Variants in WASF1 observed in about 807,000 individuals in gnomAD.
WASF1 encodes the protein actin-binding protein WASF1.
In WASF1, 7 loss-of-function variants were observed where a neutral mutation model predicts 50.5. That is an observed-to-expected ratio of 0.14 (90% CI 0.08 to 0.26). The LOEUF is 0.26. Among genes scored for constraint, WASF1 ranks in the 10% least tolerant of loss-of-function variants. WASF1 has a pLI of 1.00. For synonymous variants in WASF1, 205 were observed against 244.0 expected (o/e 0.84, Z 1.49); for missense variants, 470 against 694.7 (o/e 0.68, Z 3.64).
At chr6:110,159,102 G>C (rs1776154389) in intron 3 of WASF1, among the ~76,000 whole-genome samples, 1 of 151,852 alleles carries the variant, frequency 6.6e-6, no homozygotes, top group African/African-American at 2.4e-5. Flanking sequence ...TTCTCCGTAT[G>C]TCCCATAGCA....
chr6:110,173,530 T>C (rs1173531205), intron 2 of WASF1, among the ~76,000 whole-genome samples: 1 of 152,130 alleles, frequency 6.6e-6, no homozygotes, highest in Non-Finnish European at 1.5e-5. Context: ...TTGAGCAAAT[T>C]ACTTGATCTA....
intron 3 of WASF1, among the ~76,000 whole-genome samples, chr6:110,145,043 C>T (rs989661793): frequency 3.9e-5 from 6 of 152,126 alleles, no homozygotes; most frequent in Non-Finnish European, 7.4e-5. Flanking sequence ...TATAAATTAC[C>T]TTGGGCAGTA....
At chr6:110,124,233 CT>C (rs1464979778) in intron 4 of WASF1, among the ~76,000 whole-genome samples, 3 of 41,256 alleles carry the variant, frequency 7.3e-5, no homozygotes, top group South Asian at 1.1e-3. Context: ...TCTCCTCTCT[CT>C]CCTCTCTCTC....
intron 5 of WASF1, 135 bp downstream of exon 5, chr6:110,113,191 T>C: frequency 1.3e-6 from 1 of 761,324 alleles, no homozygotes; most frequent in Non-Finnish European, 1.8e-6. Flanking sequence ...AATTCACTGA[T>C]TTATTACAAT....
At chr6:110,151,640 G>T (rs1489876805) in intron 3 of WASF1, among the ~76,000 whole-genome samples, 1 of 151,990 alleles carries the variant, frequency 6.6e-6, no homozygotes, top group Non-Finnish European at 1.5e-5. Flanking sequence ...TATATTTGTA[G>T]ACATACATGA....
At chr6:110,153,935 G>A (rs1314608724) in intron 3 of WASF1, among the ~76,000 whole-genome samples, 1 of 152,162 alleles carries the variant, frequency 6.6e-6, no homozygotes, top group Non-Finnish European at 1.5e-5. Context: ...GACTGTGCTT[G>A]TATTTAAATG....
At chr6:110,132,867 T>C (rs889789030) in intron 3 of WASF1, among the ~76,000 whole-genome samples, 2 of 151,644 alleles carry the variant, frequency 1.3e-5, no homozygotes, top group African/African-American at 4.8e-5. Context: ...GTCATTATTT[T>C]CATTCTTTTT....
chr6:110,168,992 C>T (rs1217127515), intron 2 of WASF1, among the ~76,000 whole-genome samples: 1 of 152,064 alleles, frequency 6.6e-6, no homozygotes, highest in Non-Finnish European at 1.5e-5. Context: ...ACCACAAGGC[C>T]TTATCCCCTG....
intron 3 of WASF1, among the ~76,000 whole-genome samples, chr6:110,142,952 T>TAAAAAA (rs5879060): frequency 1.1e-3 from 133 of 119,118 alleles, no homozygotes; most frequent in African/African-American, 4.2e-3. Flanking sequence ...CCCAATGATG[T>TAAAAAA]AAAAAAAAAA....
chr6:110,164,278 T>G (rs1226011566), intron 2 of WASF1, among the ~76,000 whole-genome samples: 3 of 151,678 alleles, frequency 2.0e-5, no homozygotes, highest in Non-Finnish European at 3.0e-5. Flanking sequence ...AGCTACAGAC[T>G]GGGAGAAAAT....
At chr6:110,124,272 CTCTATATATATATATA>C (rs1262841549) in intron 4 of WASF1, among the ~76,000 whole-genome samples, 3 of 42,660 alleles carry the variant, frequency 7.0e-5, no homozygotes, top group African/African-American at 4.2e-4. Context: ...CTCTCTCTCT[CTCTATATATATATATA>C]TATATATATA....
intron 3 of WASF1, among the ~76,000 whole-genome samples, chr6:110,152,982 C>A (rs1002995308): frequency 1.3e-5 from 2 of 152,128 alleles, no homozygotes; most frequent in Admixed American, 1.3e-4. Flanking sequence ...TAAATGGATT[C>A]ACAGAGTAGT....
At chr6:110,139,080 G>T (rs986838601) in intron 3 of WASF1, among the ~76,000 whole-genome samples, 2 of 152,210 alleles carry the variant, frequency 1.3e-5, no homozygotes, top group Non-Finnish European at 2.9e-5. Context: ...TCTGGAGGGG[G>T]TCAAGGTGGC....
chr6:110,174,114 A>T (rs552988220), intron 2 of WASF1, among the ~76,000 whole-genome samples: 1 of 152,036 alleles, frequency 6.6e-6, no homozygotes, highest in Non-Finnish European at 1.5e-5. Context: ...CTGCAACCTC[A>T]TATCAAGTCA....
At chr6:110,135,709 T>C (rs186102232) in intron 3 of WASF1, among the ~76,000 whole-genome samples, 27 of 144,274 alleles carry the variant, frequency 1.9e-4, no homozygotes, top group African/African-American at 6.7e-4. Context: ...GACCTCAAAA[T>C]AGGAAGATTA....
intron 3 of WASF1, among the ~76,000 whole-genome samples, chr6:110,144,039 C>A (rs1378784137): frequency 2.6e-5 from 4 of 152,136 alleles, no homozygotes; most frequent in African/African-American, 9.7e-5. Flanking sequence ...AATCACCACA[C>A]CGACTTCCAC....
In WASF1 at chr6:110,105,423, A is replaced by G. The variant is rs555868222; in HGVS notation, c.697T>C (p.Ser233Pro). ...KHIEVANGPA[S>P]HFETRPQTYV... is the part of the protein sequence containing the mutation. ...TAAAGAAACCTTGTTTCAAAATGAGAGGCTGGGCCATTAGCAACTTCAATA... is the reference window on the plus strand; with the variant it reads ...TAAAGAAACCTTGTTTCAAAATGAGGGGCTGGGCCATTAGCAACTTCAATA... The change falls in exon 8 of 11, where the codon TCT (serine) becomes CCT (proline). Residue 233 changes from serine to proline, a missense_variant. By Grantham distance (74) the Ser-to-Pro change is moderately conservative. This residue lies in a region of WASF1 where 294 missense variants were observed against 343.5 expected (regional missense o/e 0.86). Coordinates refer to ENST00000392589, the MANE Select transcript of WASF1 (RefSeq NM_003931.3). The G allele has an allele frequency of 2.5e-6, 4 of 1,594,606 alleles. No homozygotes were observed. In the South Asian group the frequency reaches 3.5e-5, roughly 14 times the overall value.
chr6:110,175,530 A>G (rs1776892565), intron 2 of WASF1, among the ~76,000 whole-genome samples: 2 of 152,236 alleles, frequency 1.3e-5, no homozygotes, highest in East Asian at 3.9e-4. Flanking sequence ...AACTCTCAGG[A>G]AAAAAAGGGG....
intron 3 of WASF1, among the ~76,000 whole-genome samples, chr6:110,138,660 C>A (rs1288394051): frequency 6.6e-6 from 1 of 152,194 alleles, no homozygotes. Context: ...GGGAGGTTGT[C>A]CCAATGAGTT....
Sources: allele counts gnomAD v4.1 joint callset (sites outside exome capture counted in the v4.1 genomes callset), GRCh38; gene constraint gnomAD v4.1.1; regional missense constraint gnomAD v4.1.1; transcripts MANE v1.5; gene names NCBI Gene and HGNC (gene_info 2026-07-23, HGNC 2026-07-21).